CREB5: variants seen among roughly 807,000 people sequenced by gnomAD.
CREB5 encodes the protein cyclic AMP-responsive element-binding protein 5.
A neutral mutation model predicts 57.1 loss-of-function variants in CREB5; 19 were observed. The ratio of observed to expected loss-of-function variants is 0.33; its 90% CI spans 0.23 to 0.49. CREB5 has a LOEUF of 0.49. CREB5 is among the 20% of genes least tolerant of loss of function. CREB5 has a pLI of 0.99. For missense variants in CREB5, 579 were observed against 671.6 expected (o/e 0.86, Z 1.52); for synonymous variants, 238 against 238.3 (o/e 1.00, Z 0.01).
chr7:28,637,500 G>T (rs889771008), intron 5 of CREB5, among the ~76,000 whole-genome samples: 1 of 152,184 alleles, frequency 6.6e-6, no homozygotes, highest in African/African-American at 2.4e-5. Context: ...AAACAAGTAA[G>T]ATGCTAAAAT....
intron 1 of CREB5, among the ~76,000 whole-genome samples, chr7:28,400,780 C>G (rs1787445021): frequency 6.6e-6 from 1 of 152,036 alleles, no homozygotes; most frequent in African/African-American, 2.4e-5. Context: ...TTATAAATGC[C>G]CCTAAAGAGA....
intron 1 of CREB5, among the ~76,000 whole-genome samples, chr7:28,370,265 G>A (rs1786680919): frequency 6.6e-6 from 1 of 152,186 alleles, no homozygotes; most frequent in Non-Finnish European, 1.5e-5. Context: ...CCTGAAGCCA[G>A]GCCTCTACCA....
chr7:28,645,893 A>G lies in CREB5; in HGVS notation c.465-72860A>G, dbSNP rs75078746. Among the ~76,000 whole-genome samples, 1,343 of 152,284 alleles carry G rather than the reference A, an allele frequency of 8.8e-3. 22 individuals carry two copies. Among genetic ancestry groups the G allele is most frequent in the African/African-American group, 0.029 (1,216 of 41,552 alleles). ...ACCAATCCAGGTGGGCCATCATCCA[A>G]TCTGTTGAGGGCCTGTATGGAATGG... On this transcript the variant is annotated intron_variant, in intron 5 of 10. Transcript: ENST00000357727.
At chr7:28,361,246 A>G (rs1786472250) in intron 1 of CREB5, among the ~76,000 whole-genome samples, 1 of 152,196 alleles carries the variant, frequency 6.6e-6, no homozygotes, top group Non-Finnish European at 1.5e-5. Context: ...AGCCTATTTC[A>G]TGCTCAGTGT....
At chr7:28,560,765 G>T (rs1410488500) in intron 4 of CREB5, among the ~76,000 whole-genome samples, 1 of 151,680 alleles carries the variant, frequency 6.6e-6, no homozygotes, top group Non-Finnish European at 1.5e-5. Context: ...GGTATAATTG[G>T]CTCTCGGTGA....
At chr7:28,458,424 G>A (rs1403923937) in intron 1 of CREB5, among the ~76,000 whole-genome samples, 1 of 152,216 alleles carries the variant, frequency 6.6e-6, no homozygotes, top group African/African-American at 2.4e-5. Flanking sequence ...ATGTCAAAGA[G>A]CAATTCAAAC....
chr7:28,330,601 A>G (rs923184931), intron 1 of CREB5, among the ~76,000 whole-genome samples: 10 of 150,062 alleles, frequency 6.7e-5, no homozygotes, highest in Non-Finnish European at 8.9e-5. Context: ...ATCTTTGCAA[A>G]ACAGAATAGT....
intron 5 of CREB5, among the ~76,000 whole-genome samples, chr7:28,675,179 T>C (rs7810930): frequency 0.32 from 47,945 of 152,122 alleles, 7,719 homozygotes; most frequent in Middle Eastern, 0.36. Flanking sequence ...CTCATCACCA[T>C]GTTTTATTTT....
At chr7:28,722,820 A>G (rs1342841844) in intron 6 of CREB5, among the ~76,000 whole-genome samples, 1 of 152,162 alleles carries the variant, frequency 6.6e-6, no homozygotes, top group African/African-American at 2.4e-5. Context: ...ATGGCTCTTA[A>G]CTGTCACAGG....
At chr7:28,428,618 G>A (rs1788598286) in intron 1 of CREB5, among the ~76,000 whole-genome samples, 2 of 152,202 alleles carry the variant, frequency 1.3e-5, no homozygotes. Context: ...CGACTGAGAT[G>A]GGGAAGACGG....
At chr7:28,300,413 A>G (rs1404425925) in intron 1 of CREB5, among the ~76,000 whole-genome samples, 2 of 152,230 alleles carry the variant, frequency 1.3e-5, no homozygotes, top group Non-Finnish European at 1.5e-5. Context: ...AACAGAGCGT[A>G]TGTCCATCTC....
At chr7:28,723,917 G>T (rs1356597660) in intron 6 of CREB5, among the ~76,000 whole-genome samples, 1 of 152,058 alleles carries the variant, frequency 6.6e-6, no homozygotes, top group Non-Finnish European at 1.5e-5. Flanking sequence ...AAGCACTATT[G>T]GTGGTAGCTG....
chr7:28,457,291 C>T (rs1448439678), intron 1 of CREB5, among the ~76,000 whole-genome samples: 4 of 152,160 alleles, frequency 2.6e-5, no homozygotes, highest in East Asian at 1.9e-4. Context: ...CCACAGCACC[C>T]GCGATTATGA....
intron 5 of CREB5, among the ~76,000 whole-genome samples, chr7:28,626,517 A>G (rs1290502683): frequency 2.0e-5 from 3 of 152,170 alleles, no homozygotes; most frequent in Non-Finnish European, 4.4e-5. Context: ...CTAAGGAGCT[A>G]CTAAGTGCTG....
At chr7:28,548,688 G>A (rs1419776396) in intron 4 of CREB5, among the ~76,000 whole-genome samples, 1 of 152,156 alleles carries the variant, frequency 6.6e-6, no homozygotes, top group Non-Finnish European at 1.5e-5. Context: ...GGAAAACATA[G>A]CAGATTCTTC....
At chr7:28,589,565 C>CAAAAAG (rs1472768435) in intron 5 of CREB5, among the ~76,000 whole-genome samples, 2 of 151,984 alleles carry the variant, frequency 1.3e-5, no homozygotes, top group Non-Finnish European at 2.9e-5. Flanking sequence ...AAAACAAAAA[C>CAAAAAG]AAAAAGAAAA....
chr7:28,546,516 T>G (rs1794430562), intron 4 of CREB5, among the ~76,000 whole-genome samples: 1 of 152,174 alleles, frequency 6.6e-6, no homozygotes, highest in Non-Finnish European at 1.5e-5. Context: ...ATCCCAACAA[T>G]TTGAGGGTTC....
intron 7 of CREB5, among the ~76,000 whole-genome samples, chr7:28,795,745 G>GTTTT (rs1807994931): frequency 2.9e-5 from 4 of 140,226 alleles, no homozygotes; most frequent in Non-Finnish European, 4.6e-5. Flanking sequence ...AAAATTAACT[G>GTTTT]TTTTTCTTTC....
At chr7:28,303,228 C>A (rs1358336374) in intron 1 of CREB5, among the ~76,000 whole-genome samples, 4 of 151,718 alleles carry the variant, frequency 2.6e-5, no homozygotes, top group Non-Finnish European at 4.4e-5. Context: ...CTACGATGAA[C>A]CTTATTTATT....
Sources: gnomAD v4.1 joint callset for allele counts (sites outside exome capture counted in the v4.1 genomes callset) on GRCh38, gnomAD v4.1.1 for gene constraint, MANE v1.5 for transcripts, NCBI Gene and HGNC (gene_info 2026-07-23, HGNC 2026-07-21) for gene names.